SBNO1: variants seen among roughly 807,000 people sequenced by gnomAD.
SBNO1 encodes the protein protein strawberry notch homolog 1.
A neutral mutation model predicts 173.6 loss-of-function variants in SBNO1; 23 were observed. The observed-to-expected ratio is 0.13, with a 90% confidence interval of 0.10 to 0.19. SBNO1 has a LOEUF of 0.19. Ranked by LOEUF, SBNO1 falls within the 10% of genes least tolerant of loss-of-function variation. SBNO1 has a pLI of 1.00. For missense variants in SBNO1, 1,238 were observed against 1,671.2 expected (o/e 0.74, Z 4.52); for synonymous variants, 632 against 571.5 (o/e 1.11, Z -1.51).
chr12:123,296,998 T>C (rs1015973847), intron 31 of SBNO1, among the ~76,000 whole-genome samples: 4 of 152,006 alleles, frequency 2.6e-5, no homozygotes, highest in African/African-American at 9.7e-5. Context: ...GCCCAGCTGA[T>C]GGGCTGCTTT....
intron 4 of SBNO1, 74 bp downstream of exon 4, chr12:123,345,184 G>T: frequency 7.8e-7 from 1 of 1,289,562 alleles, no homozygotes; most frequent in Non-Finnish European, 1.1e-6. Flanking sequence ...AAAAACCCAA[G>T]CAAATCGTTT....
chr12:123,317,076 T>TATC, intron 21 of SBNO1, 145 bp downstream of exon 21: 1 of 776,002 alleles, frequency 1.3e-6, no homozygotes, highest in Admixed American at 2.4e-5. Context: ...GGACTCAAGT[T>TATC]ATCCTCCCAC....
Position 123,323,202 on chromosome 12 carries a change from C to T in SBNO1, c.2125+478G>A, listed in dbSNP as rs561141539. 3.2e-4 allele frequency among the ~76,000 whole-genome samples: 48 copies of T among 152,204 alleles called. No individual in the cohort carries two copies. In the South Asian group the frequency reaches 7.3e-3, roughly 23 times the overall value. ...GAATTGCTCAATTCCTAATTTAAAA[C>T]GGGGATAACTTGTGCATTCAAAATT... On this transcript the variant is annotated intron_variant, in intron 16 of 31. Transcript: ENST00000602398.
chr12:123,349,294 G>A (rs1467583628), intron 2 of SBNO1, among the ~76,000 whole-genome samples: 1 of 151,948 alleles, frequency 6.6e-6, no homozygotes, highest in East Asian at 1.9e-4. Flanking sequence ...TAGAGACAAG[G>A]TCTTGCTACG....
chr12:123,334,243 T>C (rs1430962095), intron 6 of SBNO1, 30 bp from the exon 7 acceptor site: 1 of 1,294,834 alleles, frequency 7.7e-7, no homozygotes, highest in Non-Finnish European at 1.1e-6. Flanking sequence ...CATTTTATTT[T>C]AATTATTCTA....
At chr12:123,312,328 T>C (rs368524630) in intron 24 of SBNO1, among the ~76,000 whole-genome samples, 3 of 152,272 alleles carry the variant, frequency 2.0e-5, no homozygotes, top group African/African-American at 7.2e-5. Flanking sequence ...CCGAGAGTAA[T>C]GATGAACACC....
intron 1 of SBNO1, chr12:123,364,373 G>GA: frequency 1.0e-6 from 1 of 985,472 alleles, no homozygotes; most frequent in Non-Finnish European, 1.2e-6. Context: ...GAGCCGGCGT[G>GA]CACAGACCCT....
At chr12:123,345,770 A>G (rs1348850233) in intron 3 of SBNO1, among the ~76,000 whole-genome samples, 200 bp from the exon 4 acceptor site, 1 of 152,078 alleles carries the variant, frequency 6.6e-6, no homozygotes, top group African/African-American at 2.4e-5. Flanking sequence ...ACTGGGCTCA[A>G]GTGATTCTTG....
At position 123,321,527 on chromosome 12, in the gene SBNO1, G is replaced by A. The variant is rs761379276; in HGVS notation, c.2323+8C>T. 4 of 1,589,506 alleles carry A rather than the reference G, an allele frequency of 2.5e-6. No homozygotes were observed. The highest frequency in any genetic ancestry group is 1.1e-5 in the South Asian group (1 of 90,484). On this transcript the variant is annotated splice_region_variant and intron_variant, in intron 17 of 31. Coordinates refer to ENST00000602398, the MANE Select transcript of SBNO1 (RefSeq NM_001167856.3). ...TGCTTTCGTGTATATTTAATATACT[G>A]AACTTACCATTTTCATCATCCTCAT...
intron 30 of SBNO1, among the ~76,000 whole-genome samples, chr12:123,300,673 T>C (rs1372866406): frequency 7.8e-6 from 1 of 128,156 alleles, no homozygotes; most frequent in Non-Finnish European, 1.6e-5. Context: ...AAAGAAATGT[T>C]TGTAGGGGCA....
At chr12:123,309,113 A>G (rs57356592) in intron 28 of SBNO1, among the ~76,000 whole-genome samples, 197 bp downstream of exon 28, 7,255 of 152,238 alleles carry the variant, frequency 0.048, 302 homozygotes, top group East Asian at 0.25. Context: ...TTCTAAACCC[A>G]CACCTAATAA....
intron 1 of SBNO1, among the ~76,000 whole-genome samples, chr12:123,357,548 C>T (rs961931636): frequency 6.6e-6 from 1 of 151,604 alleles, no homozygotes; most frequent in Non-Finnish European, 1.5e-5. Context: ...TGAGACCATC[C>T]TGGCCAACAT....
At chr12:123,336,895 A>G (rs1466465400) in intron 5 of SBNO1, among the ~76,000 whole-genome samples, 1 of 152,020 alleles carries the variant, frequency 6.6e-6, no homozygotes, top group African/African-American at 2.4e-5. Flanking sequence ...ACTGGAGTGA[A>G]CCCTAGCAAA....
chr12:123,346,881 T>G (rs1284662628), intron 3 of SBNO1, among the ~76,000 whole-genome samples: 1 of 151,542 alleles, frequency 6.6e-6, no homozygotes, highest in Non-Finnish European at 1.5e-5. Context: ...AGCTCAAGAC[T>G]AGCATGGCCA....
At chr12:123,297,559 G>A (rs748436504) in intron 31 of SBNO1, among the ~76,000 whole-genome samples, 36 of 152,088 alleles carry the variant, frequency 2.4e-4, no homozygotes, top group Non-Finnish European at 3.2e-4. Context: ...TTGAGCACAC[G>A]GTGAGAATAG....
chr12:123,290,501 C>T lies in SBNO1; in HGVS notation c.*5407G>A, dbSNP rs1005104804. 1 of 152,172 alleles carries T rather than the reference C, an allele frequency of 6.6e-6. No homozygotes were observed. The highest frequency in any genetic ancestry group is 2.4e-5 in the African/African-American group (1 of 41,442). 9.4% of individuals were successfully genotyped at this position (152,172 alleles called of 1,614,324 possible). Reference sequence around the variant, plus strand: ...CATTTTGATGAACCATCCGGGTCTTCCCAACTCGAATTATTAAAAACGCCT... The same window carrying T: ...CATTTTGATGAACCATCCGGGTCTTTCCAACTCGAATTATTAAAAACGCCT... On this transcript the variant is annotated 3_prime_UTR_variant, in exon 32 of 32. Transcript: ENST00000602398.
intron 8 of SBNO1, 48 bp downstream of exon 8, chr12:123,331,194 C>A: frequency 6.3e-7 from 1 of 1,595,978 alleles, no homozygotes; most frequent in Non-Finnish European, 8.6e-7. Flanking sequence ...GATCTCCTAA[C>A]CTCGTGATCC....
At chr12:123,328,641 C>T (rs1448693490) in intron 10 of SBNO1, 93 bp downstream of exon 10, 3 of 1,026,792 alleles carry the variant, frequency 2.9e-6, no homozygotes, top group East Asian at 2.7e-5. Flanking sequence ...TCCAGCAACT[C>T]GTTTAATCTC....
chr12:123,325,125 ACTT>A (rs1469880370), intron 15 of SBNO1, among the ~76,000 whole-genome samples: 1 of 152,190 alleles, frequency 6.6e-6, no homozygotes, highest in African/African-American at 2.4e-5. Flanking sequence ...TATAAAGTAG[ACTT>A]CGTTATATTA....
Sources: allele counts gnomAD v4.1 joint callset (sites outside exome capture counted in the v4.1 genomes callset), GRCh38; gene constraint gnomAD v4.1.1; transcripts MANE v1.5; gene names NCBI Gene and HGNC (gene_info 2026-07-23, HGNC 2026-07-21).